Variants in IFRD1 observed in about 807,000 individuals in gnomAD.
The protein encoded by IFRD1 is interferon-related developmental regulator 1.
IFRD1 carries 35 observed loss-of-function variants against 52.9 expected under a neutral mutation model. The observed-to-expected ratio is 0.66, with a 90% CI of 0.51 to 0.88. The LOEUF is 0.88. Among genes scored for constraint, IFRD1 ranks in the 40% least tolerant of loss-of-function variants. IFRD1 has a pLI of 0.00. For synonymous variants in IFRD1, 184 were observed against 188.4 expected, an observed-to-expected ratio of 0.98 and a Z score of 0.19; for missense variants, 517 against 550.8, an observed-to-expected ratio of 0.94 and a Z score of 0.61.
upstream of IFRD1, chr7:112,446,105 A>ATTTCATT (rs1795023962): frequency 1.3e-5 from 2 of 153,046 alleles, no homozygotes; most frequent in Admixed American, 1.3e-4. Context: ...TTATTAATAC[A>ATTTCATT]TTTATTCATT....
At position 112,462,012 on chromosome 7, in the gene IFRD1, A is replaced by G; in HGVS notation, c.630A>G (p.Ser210=). The part of the protein sequence containing the change: ...IATDDITELY[S]TLECLENIFT... The stretch of plus-strand genomic sequence containing the variant: ...TTCTTATGCATTAGGAACTATACTC[A>G]ACTCTGGAATGTTTGGAAAATATCT... The change falls in exon 7 of 12, where the codon TCA becomes TCG. Residue 210 remains serine, a synonymous_variant. Coordinates refer to ENST00000403825, the MANE Select transcript of IFRD1 (RefSeq NM_001550.4). 1.9e-6 allele frequency: 3 copies of G among 1,612,188 alleles called. No individual in the cohort carries two copies. The African/African-American group carries it at 4.0e-5, about 22-fold the overall frequency.
At chr7:112,461,837 T>G in intron 5 of IFRD1, 29 bp from the exon 6 acceptor site, 1 of 1,186,348 alleles carries the variant, frequency 8.4e-7, no homozygotes, top group Non-Finnish European at 1.2e-6. Flanking sequence ...AAATCATTAA[T>G]GTCTATATAT....
At chr7:112,423,499 A>G (rs1181448647) in intron 1 of IFRD1, 1 of 152,218 alleles carries the variant, frequency 6.6e-6, no homozygotes, top group African/African-American at 2.4e-5. Flanking sequence ...GTCAAGGACT[A>G]AGATGCTACT....
chr7:112,454,869 T>G (rs1047931313), intron 1 of IFRD1, among the ~76,000 whole-genome samples: 10 of 142,688 alleles, frequency 7.0e-5, no homozygotes, highest in South Asian at 2.4e-4. Flanking sequence ...TTTTTTTTTT[T>G]TTTTTTTTTT....
intron 1 of IFRD1, among the ~76,000 whole-genome samples, chr7:112,454,565 A>G (rs889359686): frequency 6.6e-6 from 1 of 152,156 alleles, no homozygotes; most frequent in Non-Finnish European, 1.5e-5. Flanking sequence ...ATAGGCTTTT[A>G]TACTATATCA....
At chr7:112,467,959 C>A (rs1330760945) in intron 8 of IFRD1, 22 bp from the exon 9 acceptor site, 5 of 1,611,248 alleles carry the variant, frequency 3.1e-6, no homozygotes, top group Non-Finnish European at 3.4e-6. Context: ...ATAAAGGAAA[C>A]AAAATTGCTT....
intron 1 of IFRD1, among the ~76,000 whole-genome samples, chr7:112,424,417 T>G (rs1400704959): frequency 6.9e-6 from 1 of 144,624 alleles, no homozygotes; most frequent in Non-Finnish European, 1.5e-5. Flanking sequence ...TTTCTTTCTT[T>G]CTTTTTTTTT....
intron 1 of IFRD1, among the ~76,000 whole-genome samples, chr7:112,424,662 G>A (rs796905009): frequency 7.9e-5 from 12 of 151,986 alleles, no homozygotes; most frequent in African/African-American, 2.4e-4. Context: ...TGATCCACCC[G>A]CCTCAGCCTC....
chr7:112,464,234 C>G (rs1326723849), intron 8 of IFRD1, among the ~76,000 whole-genome samples: 2 of 151,652 alleles, frequency 1.3e-5, no homozygotes, highest in African/African-American at 4.8e-5. Context: ...ACTTTGAAAT[C>G]TAGTGATGTC....
chr7:112,431,358 T>C (rs1186611711), intron 1 of IFRD1, among the ~76,000 whole-genome samples: 1 of 152,212 alleles, frequency 6.6e-6, no homozygotes, highest in Non-Finnish European at 1.5e-5. Context: ...AGTTCAGGAC[T>C]TTTTCCTCCT....
At chr7:112,427,262 C>T (rs184978930) in intron 1 of IFRD1, among the ~76,000 whole-genome samples, 2 of 152,298 alleles carry the variant, frequency 1.3e-5, no homozygotes, top group Admixed American at 6.5e-5. Context: ...ACCTAAACAC[C>T]TCCAATTAGG....
chr7:112,477,106 G>A lies in IFRD1; in HGVS notation c.*1587G>A, dbSNP rs1795922788. On this transcript the variant is annotated 3_prime_UTR_variant, in exon 12 of 12. Transcript: ENST00000403825. The stretch of plus-strand genomic sequence containing the variant: ...AGGTTAGAACCATGGAAAAGAGATT[G>A]CAAATGGTAGTTTCTTCTAGATATT... 6.6e-6 allele frequency: 1 copy of A among 152,192 alleles called. No homozygotes were observed. Among genetic ancestry groups the A allele is most frequent in the African/African-American group, 2.4e-5 (1 of 41,440 alleles). 9.4% of individuals were successfully genotyped at this position (152,192 alleles called of 1,614,324 possible).
intron 1 of IFRD1, among the ~76,000 whole-genome samples, chr7:112,444,569 A>C (rs1311563270): frequency 6.6e-6 from 1 of 152,232 alleles, no homozygotes; most frequent in Non-Finnish European, 1.5e-5. Flanking sequence ...ATTTAATAAT[A>C]AAGTTCTGCT....
At position 112,434,534 on chromosome 7, in the gene IFRD1, C is replaced by T. The variant is rs978512171; in HGVS notation, c.-182+11102C>T. ...ACATTTTTAATATGTCTACTATATA[C>T]TTTAAAAACTGTAGAAGTTTATTAA... is the stretch of plus-strand genomic sequence containing the variant. On this transcript the variant is annotated intron_variant, in intron 1 of 12. Transcript: ENST00000005558. Among the ~76,000 whole-genome samples, 12 of 152,224 alleles carry T rather than the reference C, an allele frequency of 7.9e-5. 1 individual carries two copies. The highest frequency in any genetic ancestry group is 5.2e-4 in the Admixed American group (8 of 15,290).
At chr7:112,424,363 T>C (rs1348888483) in intron 1 of IFRD1, among the ~76,000 whole-genome samples, 4 of 152,062 alleles carry the variant, frequency 2.6e-5, no homozygotes. Flanking sequence ...CAGCTTGCTG[T>C]GTAGGGAGTG....
At chr7:112,448,126 T>TAAAAAA (rs33983901), upstream of IFRD1, among the ~76,000 whole-genome samples, 2 of 132,942 alleles carry the variant, frequency 1.5e-5, no homozygotes, top group Non-Finnish European at 3.2e-5. Flanking sequence ...CCTGTAGATT[T>TAAAAAA]AAAAAAAAAA....
At chr7:112,446,777 G>C (rs529230709), upstream of IFRD1, among the ~76,000 whole-genome samples, 1 of 152,316 alleles carries the variant, frequency 6.6e-6, no homozygotes, top group South Asian at 2.1e-4. Flanking sequence ...GCAAAGACCA[G>C]TGTGGCTGAA....
In IFRD1 at chr7:112,466,732, A is replaced by G. The variant is rs538998717; in HGVS notation, c.907-1249A>G. On this transcript the variant is annotated intron_variant, in intron 8 of 11. Coordinates refer to ENST00000403825, the MANE Select transcript of IFRD1 (RefSeq NM_001550.4). Reference sequence around the variant, plus strand: ...ATTAAAAAACCCTTTACATATACATATATACACACATATATATGTTTAAAA... The same window carrying G: ...ATTAAAAAACCCTTTACATATACATGTATACACACATATATATGTTTAAAA... Among the ~76,000 whole-genome samples the G allele has an allele frequency of 2.0e-4, 30 of 152,334 alleles. No homozygotes were observed. The South Asian group carries it at 5.6e-3, about 28-fold the overall frequency.
intron 1 of IFRD1, among the ~76,000 whole-genome samples, chr7:112,432,659 G>A (rs1011195864): frequency 6.6e-6 from 1 of 152,148 alleles, no homozygotes; most frequent in African/African-American, 2.4e-5. Context: ...GCTAGTAGAC[G>A]GCAGGGCTTA....
Sources: gnomAD v4.1 joint callset for allele counts (sites outside exome capture counted in the v4.1 genomes callset) on GRCh38, gnomAD v4.1.1 for gene constraint, MANE v1.5 for transcripts, NCBI Gene and HGNC (gene_info 2026-07-23, HGNC 2026-07-21) for gene names.